COPB2: variants seen among roughly 807,000 people sequenced by gnomAD.
COPB2 encodes the protein coat protein complex I subunit beta 2, also known as coatomer subunit beta'.
In COPB2, 16 loss-of-function variants were observed where a neutral mutation model predicts 120.8. The observed-to-expected ratio is 0.13, with a 90% CI of 0.09 to 0.20. The LOEUF (loss-of-function observed/expected upper bound fraction) is 0.20, where lower values mean the gene tolerates loss of function less well. Ranked by LOEUF, COPB2 falls within the 10% of genes least tolerant of loss-of-function variation. The probability of loss-of-function intolerance (pLI) is 1.00; values close to 1 mark genes in which losing one functional copy is unlikely to be tolerated. For synonymous variants in COPB2, 332 were observed against 366.3 expected (o/e 0.91, Z 1.07); for missense variants, 794 against 1,076.5 (o/e 0.74, Z 3.67).
intron 17 of COPB2, 79 bp from the exon 18 acceptor site, chr3:139,359,441 T>C (rs1024981625): frequency 1.4e-6 from 2 of 1,389,148 alleles, no homozygotes; most frequent in African/African-American, 2.9e-5. Context: ...GTAAATTTAG[T>C]GTTACAAAGC....
chr3:139,358,940 T>C, intron 19 of COPB2, 58 bp downstream of exon 19: 1 of 1,585,922 alleles, frequency 6.3e-7, no homozygotes, highest in Non-Finnish European at 8.6e-7. Context: ...TCTGAAGTCC[T>C]GAATGTACTT....
chr3:139,383,472 C>A, intron 1 of COPB2, 37 bp from the exon 2 acceptor site: 1 of 1,487,462 alleles, frequency 6.7e-7, no homozygotes, highest in South Asian at 1.4e-5. Context: ...ATTGCTAAGC[C>A]AAATAAAATA....
upstream of COPB2, chr3:139,389,664 C>A: frequency 8.9e-7 from 1 of 1,123,866 alleles, no homozygotes; most frequent in African/African-American, 1.6e-5. Flanking sequence ...TTCCGGGAGC[C>A]GATTCTCGCG....
At position 139,374,567 on chromosome 3, in the gene COPB2, G is replaced by A; in HGVS notation, c.673C>T (p.Leu225=). ...GACACATTTTGGGCATGTCCTTCCA[G>A]TGTCTGCACACATGTTTTATTCTGT... ...DYQNKTCVQT[L]EGHAQNVSCA... The change falls in exon 7 of 22, where the codon CTG becomes TTG. Residue 225 remains leucine (L), a synonymous_variant. Transcript: ENST00000333188. 2 of 1,613,794 alleles carry A rather than the reference G, an allele frequency of 1.2e-6. No individual in the cohort carries two copies. Among genetic ancestry groups the A allele is most frequent in the Non-Finnish European group, 1.7e-6 (2 of 1,179,820 alleles).
intron 12 of COPB2, among the ~76,000 whole-genome samples, chr3:139,368,622 A>C (rs1941566553): frequency 6.6e-6 from 1 of 152,142 alleles, no homozygotes; most frequent in South Asian, 2.1e-4. Context: ...CCCTCCCTAG[A>C]AGTCTTTCTG....
At chr3:139,358,083 T>G in intron 21 of COPB2, 117 bp downstream of exon 21, 1 of 1,072,248 alleles carries the variant, frequency 9.3e-7, no homozygotes, top group South Asian at 1.4e-5. Context: ...TCTTCCCATT[T>G]CAAAGCCCCT....
chr3:139,368,472 A>T (rs1161220838), intron 12 of COPB2, among the ~76,000 whole-genome samples, 184 bp from the exon 13 acceptor site: 1 of 152,232 alleles, frequency 6.6e-6, no homozygotes, highest in Non-Finnish European at 1.5e-5. Context: ...TATTTAGCCT[A>T]GCAATGGAAA....
intron 13 of COPB2, among the ~76,000 whole-genome samples, chr3:139,367,612 C>G (rs1268202400): frequency 6.6e-6 from 1 of 151,818 alleles, no homozygotes; most frequent in African/African-American, 2.4e-5. Flanking sequence ...CATTTAAGAA[C>G]AGATTCCTAC....
intron 20 of COPB2, 22 bp downstream of exon 20, chr3:139,358,722 T>A: frequency 1.3e-6 from 2 of 1,544,708 alleles, no homozygotes; most frequent in Non-Finnish European, 8.9e-7. Flanking sequence ...GCCAAATTTA[T>A]CACATGAAGT....
Position 139,369,245 on chromosome 3 carries a change from T to C in COPB2, c.1401+16A>G. The C allele has an allele frequency of 2.5e-6, 4 of 1,590,102 alleles. No homozygotes were observed. The highest frequency in any genetic ancestry group is 3.4e-6 in the Non-Finnish European group (4 of 1,165,144). ...AAAATAAATATTCCAAAAACAACAA[T>C]GGAGGGGAAACTCACATGTTTGGGC... On this transcript the variant is annotated intron_variant, in intron 12 of 21. Coordinates refer to ENST00000333188, the MANE Select transcript of COPB2 (RefSeq NM_004766.3).
At chr3:139,364,076 A>T (rs1462285296) in intron 15 of COPB2, among the ~76,000 whole-genome samples, 1 of 152,196 alleles carries the variant, frequency 6.6e-6, no homozygotes, top group Non-Finnish European at 1.5e-5. Context: ...TCCCAACGAC[A>T]CACAGAAAGG....
chr3:139,374,502 T>C lies in COPB2; in HGVS notation c.738A>G (p.Thr246=). ...CTTCTAACTTACCATCTTCTGAACC[T>C]GTGATAATGATTGGCAACTCAGGAT... ...SFHPELPIII[T]GSEDGTVRIW... Residue 246 remains threonine, a synonymous_variant, in exon 7 of 22, where the codon ACA becomes ACG. Transcript: ENST00000333188. 1 of 1,613,908 alleles carries C rather than the reference T, an allele frequency of 6.2e-7. No homozygotes were observed. Among genetic ancestry groups the C allele is most frequent in the Non-Finnish European group, 8.5e-7 (1 of 1,179,838 alleles).
At chr3:139,360,978 C>A in intron 17 of COPB2, 103 bp downstream of exon 17, 1 of 1,271,608 alleles carries the variant, frequency 7.9e-7, no homozygotes, top group South Asian at 1.3e-5. Context: ...CTATTCAACA[C>A]CATTTGGCCA....
At chr3:139,358,658 G>A (rs1018876713) in intron 20 of COPB2, 86 bp downstream of exon 20, 1 of 939,092 alleles carries the variant, frequency 1.1e-6, no homozygotes, top group South Asian at 1.3e-5. Context: ...TCCAGCCAGG[G>A]CAATGGAGCG....
At chr3:139,358,365 G>A in intron 20 of COPB2, 94 bp from the exon 21 acceptor site, 3 of 1,115,338 alleles carry the variant, frequency 2.7e-6, no homozygotes, top group South Asian at 1.3e-5. Flanking sequence ...GAATTAGGAA[G>A]TGGGAGATGA....
chr3:139,383,477 A>T, intron 1 of COPB2, 42 bp from the exon 2 acceptor site: 1 of 1,480,616 alleles, frequency 6.8e-7, no homozygotes, highest in Non-Finnish European at 9.0e-7. Flanking sequence ...TAAGCCAAAT[A>T]AAATATGTTT....
intron 16 of COPB2, among the ~76,000 whole-genome samples, chr3:139,361,740 T>G (rs1047370763): frequency 6.6e-6 from 1 of 152,262 alleles, no homozygotes; most frequent in African/African-American, 2.4e-5. Context: ...TTAGATGATC[T>G]TAACGTAGCT....
intron 17 of COPB2, among the ~76,000 whole-genome samples, chr3:139,359,669 T>TA (rs1941373282): frequency 6.6e-6 from 1 of 152,178 alleles, no homozygotes. Context: ...CATAAGGATA[T>TA]ATGCCAGCAG....
chr3:139,371,605 G>T, intron 10 of COPB2, 118 bp downstream of exon 10: 1 of 789,778 alleles, frequency 1.3e-6, no homozygotes, highest in Non-Finnish European at 2.1e-6. Context: ...GACAGCTCTG[G>T]TGAGAACTGT....
Sources: allele counts gnomAD v4.1 joint callset (sites outside exome capture counted in the v4.1 genomes callset), GRCh38; gene constraint gnomAD v4.1.1; transcripts MANE v1.5; gene names NCBI Gene and HGNC (gene_info 2026-07-23, HGNC 2026-07-21).